The following PCDH15 variants were observed in gnomAD, a reference collection of about 807,000 sequenced individuals.
PCDH15 encodes protocadherin-15.
A neutral mutation model predicts 178.5 loss-of-function variants in PCDH15; 129 were observed. The observed-to-expected ratio is 0.72, with a 90% CI of 0.63 to 0.84. PCDH15 has a LOEUF of 0.84. PCDH15 is among the 40% of genes least tolerant of loss of function. The probability of loss-of-function intolerance (pLI) is 0.00; values close to 1 mark genes in which losing one functional copy is unlikely to be tolerated. For synonymous variants in PCDH15, 800 were observed against 732.0 expected (o/e 1.09, Z -1.50); for missense variants, 2,230 against 2,099.9 (o/e 1.06, Z -1.21).
chr10:53,993,427 C>G (rs2091651440), intron 21 of PCDH15, among the ~76,000 whole-genome samples: 1 of 152,090 alleles, frequency 6.6e-6, no homozygotes, highest in Admixed American at 6.6e-5. Flanking sequence ...ACCTTACATT[C>G]TAGTTTGGAA....
chr10:54,424,211 A>C (rs1955932360), intron 3 of PCDH15, among the ~76,000 whole-genome samples: 1 of 151,958 alleles, frequency 6.6e-6, no homozygotes, highest in Admixed American at 6.5e-5. Context: ...ATATGAACAG[A>C]CACTTCTCAA....
intron 25 of PCDH15, among the ~76,000 whole-genome samples, chr10:53,936,165 G>C (rs1315910126): frequency 6.6e-6 from 1 of 152,132 alleles, no homozygotes; most frequent in Non-Finnish European, 1.5e-5. Context: ...GTGAATAAAA[G>C]AGCGTAGTGG....
chr10:54,748,885 T>G (rs1165558730), intron 1 of PCDH15, among the ~76,000 whole-genome samples: 2 of 152,222 alleles, frequency 1.3e-5, no homozygotes, highest in East Asian at 3.9e-4. Flanking sequence ...GACGCGTTGC[T>G]CCCTTGCCCT....
intron 2 of PCDH15, among the ~76,000 whole-genome samples, chr10:55,452,938 T>C (rs547988434): frequency 1.7e-4 from 26 of 152,324 alleles, no homozygotes; most frequent in Middle Eastern, 3.4e-3. Context: ...AGAAGAGGCC[T>C]TGGAATACAG....
At chr10:54,765,131 A>T (rs1367546842) in intron 1 of PCDH15, among the ~76,000 whole-genome samples, 1 of 152,132 alleles carries the variant, frequency 6.6e-6, no homozygotes, top group East Asian at 1.9e-4. Context: ...TGCTTTAAGA[A>T]TCTATACTAA....
At chr10:54,379,086 T>TA in intron 3 of PCDH15, 144 bp from the exon 4 acceptor site, 1 of 868,026 alleles carries the variant, frequency 1.2e-6, no homozygotes. Flanking sequence ...AGACAGAAAA[T>TA]ATTCTTTACC....
chr10:54,443,274 T>A lies in PCDH15; in HGVS notation c.158-64332A>T, dbSNP rs541904315. Among the ~76,000 whole-genome samples, 5 of 151,768 alleles carry A rather than the reference T, an allele frequency of 3.3e-5. No individual in the cohort carries two copies. In the East Asian group the frequency reaches 9.7e-4, roughly 29 times the overall value. On this transcript the variant is annotated intron_variant, in intron 3 of 37. Transcript: ENST00000644397. The stretch of plus-strand genomic sequence containing the variant: ...TATCTTTTTACATGAAATACATAGA[T>A]TGGGATCTTTTTCTGACCTGTTCCT...
chr10:53,838,541 G>T (rs1248057376), intron 29 of PCDH15, among the ~76,000 whole-genome samples: 1 of 151,672 alleles, frequency 6.6e-6, no homozygotes, highest in Non-Finnish European at 1.5e-5. Context: ...TTTAAAGTTA[G>T]CCCAAATATA....
At chr10:54,228,639 G>A (rs2053721759) in intron 9 of PCDH15, among the ~76,000 whole-genome samples, 1 of 152,274 alleles carries the variant, frequency 6.6e-6, no homozygotes, top group East Asian at 1.9e-4. Context: ...CTGAAAGCCT[G>A]AGAACTAAGC....
At chr10:54,245,268 A>T (rs1356308006) in intron 8 of PCDH15, among the ~76,000 whole-genome samples, 2 of 152,160 alleles carry the variant, frequency 1.3e-5, no homozygotes, top group Non-Finnish European at 2.9e-5. Flanking sequence ...ATACATTTTT[A>T]ATTTAGATAA....
chr10:54,342,314 C>T (rs1199495595), intron 6 of PCDH15, among the ~76,000 whole-genome samples: 4 of 152,308 alleles, frequency 2.6e-5, no homozygotes, highest in African/African-American at 9.6e-5. Flanking sequence ...CATCCTATGT[C>T]CCTGCCACTC....
intron 14 of PCDH15, among the ~76,000 whole-genome samples, chr10:54,147,343 G>T (rs2133260244): frequency 6.6e-6 from 1 of 151,876 alleles, no homozygotes; most frequent in South Asian, 2.1e-4. Flanking sequence ...CTAAATTTCT[G>T]ATGTCACAGA....
chr10:54,439,964 T>C (rs2075692276), intron 3 of PCDH15, among the ~76,000 whole-genome samples: 1 of 152,050 alleles, frequency 6.6e-6, no homozygotes, highest in Admixed American at 6.6e-5. Context: ...TAATACATGT[T>C]TTCCACCTTG....
intron 25 of PCDH15, among the ~76,000 whole-genome samples, chr10:53,922,345 A>G (rs1275450841): frequency 1.3e-5 from 2 of 152,198 alleles, no homozygotes; most frequent in South Asian, 2.1e-4. Flanking sequence ...TTATGTTACA[A>G]TAAGTTAAGT....
In PCDH15 at chr10:55,225,366, G is replaced by A. The variant is rs570100487; in HGVS notation, c.-155-58715C>T. Among the ~76,000 whole-genome samples, 3 of 152,034 alleles carry A rather than the reference G, an allele frequency of 2.0e-5. No homozygotes were observed. The East Asian group carries it at 5.8e-4, about 29-fold the overall frequency. ...ATGCTCCCAACCCTCTATTATCATT[G>A]CATCAAATAAATTAAAAGAAAAAAC... On this transcript the variant is annotated intron_variant, in intron 1 of 5. Coordinates refer to the PCDH15 transcript ENST00000458638.
At chr10:55,172,372 T>C (rs1839359463) in intron 1 of PCDH15, among the ~76,000 whole-genome samples, 1 of 151,958 alleles carries the variant, frequency 6.6e-6, no homozygotes, top group South Asian at 2.1e-4. Flanking sequence ...TGACCTTTGA[T>C]TTTTGAATTT....
At chr10:55,511,969 C>T (rs752151489) in intron 2 of PCDH15, among the ~76,000 whole-genome samples, 5 of 152,046 alleles carry the variant, frequency 3.3e-5, no homozygotes, top group Non-Finnish European at 7.4e-5. Flanking sequence ...GCTTACACTA[C>T]ACTAACTTGT....
chr10:55,019,859 A>G (rs898005952), intron 2 of PCDH15, among the ~76,000 whole-genome samples: 3 of 152,084 alleles, frequency 2.0e-5, no homozygotes, highest in South Asian at 2.1e-4. Flanking sequence ...ACTCAACACA[A>G]TGTCAATAGA....
intron 3 of PCDH15, among the ~76,000 whole-genome samples, chr10:54,418,899 T>C (rs1758815): frequency 0.21 from 31,201 of 151,810 alleles, 3,987 homozygotes; most frequent in African/African-American, 0.36. Context: ...AGGGTTGATG[T>C]CCGTAGAGAA....
Sources: gnomAD v4.1 joint callset for allele counts (sites outside exome capture counted in the v4.1 genomes callset) on GRCh38, gnomAD v4.1.1 for gene constraint, MANE v1.5 for transcripts, NCBI Gene and HGNC (gene_info 2026-07-23, HGNC 2026-07-21) for gene names.